Variants in BACE2 observed in about 807,000 individuals in gnomAD.
BACE2 encodes 56 kDa aspartic-like protease.
BACE2 carries 17 observed loss-of-function variants against 46.2 expected under a neutral mutation model. The ratio of observed to expected loss-of-function variants is 0.37; its 90% confidence interval spans 0.25 to 0.55. BACE2 has a LOEUF of 0.55. Among genes scored for constraint, BACE2 ranks in the 20% least tolerant of loss-of-function variants. The probability of loss-of-function intolerance (pLI) is 0.82; values close to 1 mark genes in which losing one functional copy is unlikely to be tolerated. For synonymous variants in BACE2, 277 were observed against 295.9 expected (o/e 0.94, Z 0.66); for missense variants, 595 against 698.1 (o/e 0.85, Z 1.66).
chr21:41,185,474 C>T (rs1985337738), intron 1 of BACE2, among the ~76,000 whole-genome samples: 1 of 152,136 alleles, frequency 6.6e-6, no homozygotes, highest in Non-Finnish European at 1.5e-5. Flanking sequence ...CTGGGAGCTC[C>T]CAATTCCTTT....
chr21:41,249,799 G>C (rs964866120), intron 6 of BACE2, among the ~76,000 whole-genome samples: 1 of 152,152 alleles, frequency 6.6e-6, no homozygotes. Flanking sequence ...CTCAGCAGCC[G>C]GCAGACCCAG....
At chr21:41,205,618 T>A (rs1986098993) in intron 1 of BACE2, among the ~76,000 whole-genome samples, 1 of 152,212 alleles carries the variant, frequency 6.6e-6, no homozygotes, top group African/African-American at 2.4e-5. Context: ...ATTATTCTGT[T>A]GCCTTGAAAA....
At chr21:41,211,626 A>G (rs1986305433) in intron 1 of BACE2, among the ~76,000 whole-genome samples, 1 of 152,238 alleles carries the variant, frequency 6.6e-6, no homozygotes, top group African/African-American at 2.4e-5. Flanking sequence ...TGCAGAGGCC[A>G]CTGCTGCTGT....
rs1388582413 is a variant in BACE2 at position 41,281,435 on chromosome 21, A to G, written c.*5811A>G. On this transcript the variant is annotated 3_prime_UTR_variant, in exon 9 of 9. Coordinates refer to ENST00000330333, the MANE Select transcript of BACE2 (RefSeq NM_012105.5). ...TTTCTTCATTTGGGTTGGAATAAAA[A>G]TGCATTTTTATTCACAAGGCACAGA... 3 of 152,230 alleles carry G rather than the reference A, an allele frequency of 2.0e-5. No homozygotes were observed. The highest frequency in any genetic ancestry group is 4.4e-5 in the Non-Finnish European group (3 of 68,036). The allele number at this position is 152,230 out of a possible 1,614,324, so 9.4% of individuals were successfully genotyped here.
At chr21:41,246,650 A>G (rs1987479476) in intron 6 of BACE2, among the ~76,000 whole-genome samples, 1 of 152,250 alleles carries the variant, frequency 6.6e-6, no homozygotes, top group South Asian at 2.1e-4. Context: ...GCTCTGAAAT[A>G]CAATTAAAAT....
chr21:41,243,301 G>T (rs1987359546), intron 4 of BACE2, 75 bp from the exon 5 acceptor site: 3 of 1,251,686 alleles, frequency 2.4e-6, no homozygotes, highest in Non-Finnish European at 3.2e-6. Flanking sequence ...CTTTACAAGT[G>T]CATGCTTCTC....
intron 1 of BACE2, chr21:41,186,879 G>A (rs749091829): frequency 1.3e-5 from 2 of 152,272 alleles, no homozygotes; most frequent in Non-Finnish European, 2.9e-5. Context: ...CTAGGATGAG[G>A]GTGGTAACCT....
At chr21:41,188,293 C>T (rs1985448427) in intron 1 of BACE2, among the ~76,000 whole-genome samples, 1 of 152,148 alleles carries the variant, frequency 6.6e-6, no homozygotes, top group Non-Finnish European at 1.5e-5. Flanking sequence ...TGGACATATG[C>T]CTCATTGCCT....
chr21:41,257,380 T>C (rs1332278111), intron 8 of BACE2, 54 bp downstream of exon 8: 1 of 1,581,460 alleles, frequency 6.3e-7, no homozygotes, highest in Non-Finnish European at 8.6e-7. Context: ...TTTATGTAAA[T>C]GTGCTGACTT....
Position 41,277,597 on chromosome 21 carries a change from G to A in BACE2, c.*1973G>A, listed in dbSNP as rs2088504881. Reference sequence around the variant, plus strand: ...TAGATTGTGCCTTCACCCTTGCTGTGAAAAATTCAAAGCCCTGAAATAAGA... The same window carrying A: ...TAGATTGTGCCTTCACCCTTGCTGTAAAAAATTCAAAGCCCTGAAATAAGA... On this transcript the variant is annotated 3_prime_UTR_variant, in exon 9 of 9. Transcript: ENST00000330333. The A allele has an allele frequency of 6.6e-6, 1 of 152,194 alleles. No individual in the cohort carries two copies. The highest frequency in any genetic ancestry group is 2.1e-4 in the South Asian group (1 of 4,826). The allele number at this position is 152,194 out of a possible 1,614,324, so 9.4% of individuals were successfully genotyped here. A position where few individuals can be genotyped will look rare whatever the true frequency, so the allele number is the denominator to read the frequency against.
intron 8 of BACE2, among the ~76,000 whole-genome samples, chr21:41,273,484 C>T (rs773544078): frequency 3.3e-5 from 5 of 152,202 alleles, no homozygotes; most frequent in Non-Finnish European, 4.4e-5. Context: ...AATAATTCAG[C>T]GATATTTCTC....
At chr21:41,179,861 A>G (rs79953457) in intron 1 of BACE2, 15,983 of 392,956 alleles carry the variant, frequency 0.041, 457 homozygotes, top group South Asian at 0.078. Context: ...AAGTGTGGCT[A>G]GTTTACTGGG....
chr21:41,255,334 G>T (rs1301805208), intron 7 of BACE2, among the ~76,000 whole-genome samples: 1 of 152,192 alleles, frequency 6.6e-6, no homozygotes, highest in Non-Finnish European at 1.5e-5. Context: ...GGTGGGGCCA[G>T]ATGGGTCACC....
chr21:41,275,056 G>A (rs934069773), intron 8 of BACE2, among the ~76,000 whole-genome samples: 2 of 152,204 alleles, frequency 1.3e-5, no homozygotes, highest in Non-Finnish European at 2.9e-5. Context: ...ACTCTCACCT[G>A]TGTAGTACCG....
At chr21:41,194,434 C>A (rs1446336494) in intron 1 of BACE2, among the ~76,000 whole-genome samples, 1 of 152,180 alleles carries the variant, frequency 6.6e-6, no homozygotes, top group Non-Finnish European at 1.5e-5. Context: ...AAGCTTTTTG[C>A]TGTAGCTGCT....
intron 6 of BACE2, among the ~76,000 whole-genome samples, chr21:41,250,524 G>A (rs554259950): frequency 6.6e-6 from 1 of 152,320 alleles, no homozygotes; most frequent in Admixed American, 6.5e-5. Context: ...TTATAAGGGT[G>A]TCTAATACTA....
At chr21:41,215,230 T>C (rs1440827666) in intron 1 of BACE2, among the ~76,000 whole-genome samples, 1 of 152,038 alleles carries the variant, frequency 6.6e-6, no homozygotes, top group Non-Finnish European at 1.5e-5. Context: ...GAAGGAACAG[T>C]AGCTGGAGGG....
At chr21:41,179,802 A>G (rs2123495732) in intron 1 of BACE2, 2 of 524,436 alleles carry the variant, frequency 3.8e-6, no homozygotes, top group Non-Finnish European at 3.3e-6. Context: ...GTTTTATTCA[A>G]CAGTGTCCTG....
rs1256673941 is a variant in BACE2, at chr21:41,277,919, G to A, written c.*2295G>A. 1 of 152,186 alleles carries A rather than the reference G, an allele frequency of 6.6e-6. No individual in the cohort carries two copies. The highest frequency in any genetic ancestry group is 1.5e-5 in the Non-Finnish European group (1 of 68,024). 9.4% of individuals were successfully genotyped at this position (152,186 alleles called of 1,614,324 possible). A position where few individuals can be genotyped will look rare whatever the true frequency, so the allele number is the denominator to read the frequency against. On this transcript the variant is annotated 3_prime_UTR_variant, in exon 9 of 9. Coordinates refer to ENST00000330333, the MANE Select transcript of BACE2 (RefSeq NM_012105.5). The stretch of plus-strand genomic sequence containing the variant: ...ACTGAAACTACAAAAGCATAACTTC[G>A]CAACAAGAATGAGATAGACAATTGA...
Sources: allele counts gnomAD v4.1 joint callset (sites outside exome capture counted in the v4.1 genomes callset), GRCh38; gene constraint gnomAD v4.1.1; transcripts MANE v1.5; gene names NCBI Gene and HGNC (gene_info 2026-07-23, HGNC 2026-07-21).